ITGA1: variants seen among roughly 807,000 people sequenced by gnomAD.
ITGA1 encodes integrin alpha-1.
A neutral mutation model predicts 145.9 loss-of-function variants in ITGA1; 85 were observed. The observed-to-expected ratio is 0.58, with a 90% CI of 0.49 to 0.70. The LOEUF is 0.70. Among genes scored for constraint, ITGA1 ranks in the 30% least tolerant of loss-of-function variants. The pLI, the probability that ITGA1 is intolerant of heterozygous loss-of-function variation, is 0.00. For synonymous variants in ITGA1, 520 were observed against 495.3 expected, an observed-to-expected ratio of 1.05 and a Z score of -0.66; for missense variants, 1,351 against 1,418.7, an observed-to-expected ratio of 0.95 and a Z score of 0.77.
At position 52,952,474 on chromosome 5, in the gene ITGA1, TAACA is replaced by T; in HGVS notation, c.*25_*28del. The T allele has an allele frequency of 2.7e-6, 3 of 1,105,296 alleles. No homozygotes were observed. Among genetic ancestry groups the T allele is most frequent in the Non-Finnish European group, 3.9e-6 (3 of 763,024 alleles). The allele number at this position is 1,105,296 out of a possible 1,614,324, so 68.5% of individuals were successfully genotyped here. A position where few individuals can be genotyped will look rare whatever the true frequency, so the allele number is the denominator to read the frequency against. On this transcript the variant is annotated 3_prime_UTR_variant, in exon 29 of 29. Transcript: ENST00000282588. ...TGAAATATTTTATGAAAGAAAATAA[TAACA>T]ATTATTCAATAATCTATCCTCAGGT...
At chr5:52,801,914 CAG>C in intron 1 of ITGA1, 1 of 1,171,256 alleles carries the variant, frequency 8.5e-7, no homozygotes, top group Non-Finnish European at 1.2e-6. Flanking sequence ...ATCCTTGTGA[CAG>C]AAAGCTGCAA....
At chr5:52,805,705 T>C (rs1748578282) in intron 1 of ITGA1, among the ~76,000 whole-genome samples, 2 of 152,084 alleles carry the variant, frequency 1.3e-5, no homozygotes, top group Non-Finnish European at 2.9e-5. Flanking sequence ...CTATATCTCA[T>C]TCAGGCCAAT....
chr5:52,894,580 C>A (rs1454788617), intron 9 of ITGA1, among the ~76,000 whole-genome samples: 1 of 152,122 alleles, frequency 6.6e-6, no homozygotes, highest in African/African-American at 2.4e-5. Context: ...TCTTTCTTCA[C>A]ATTCTTTGAT....
chr5:52,934,905 T>TAATTTCCCTGGAAATTAGCATAAATGCC (rs1750943140), intron 23 of ITGA1, among the ~76,000 whole-genome samples: 1 of 151,934 alleles, frequency 6.6e-6, no homozygotes, highest in Admixed American at 6.6e-5. Context: ...CAATTTATGC[T>TAATTTCCCTGGAAATTAGCATAAATGCC]AATTTCCCTG....
At chr5:52,849,785 G>T (rs1014681620) in intron 2 of ITGA1, among the ~76,000 whole-genome samples, 1 of 152,092 alleles carries the variant, frequency 6.6e-6, no homozygotes, top group Non-Finnish European at 1.5e-5. Context: ...TTCTTTAATT[G>T]TTCTCATTTC....
At chr5:52,865,876 A>G in intron 6 of ITGA1, 59 bp downstream of exon 6, 2 of 1,347,548 alleles carry the variant, frequency 1.5e-6, no homozygotes, top group East Asian at 2.7e-5. Flanking sequence ...ACAAATTTTT[A>G]ATAAAACCAA....
Position 52,842,523 on chromosome 5 carries a change from G to A in ITGA1, c.62-6842G>A, listed in dbSNP as rs75103708. ...TACTGATTCTTTGGATTCTACCTACGAAATCAGTTAGCTCATTTTTTGATT... is the reference window on the plus strand; with the variant it reads ...TACTGATTCTTTGGATTCTACCTACAAAATCAGTTAGCTCATTTTTTGATT... On this transcript the variant is annotated intron_variant, in intron 1 of 28. Coordinates refer to ENST00000282588, the MANE Select transcript of ITGA1 (RefSeq NM_181501.2). Among the ~76,000 whole-genome samples the A allele has an allele frequency of 6.1e-3, 929 of 152,206 alleles. 12 individuals are homozygous for A. The highest frequency in any genetic ancestry group is 0.021 in the African/African-American group (891 of 41,530).
chr5:52,866,661 G>T (rs867843625), intron 6 of ITGA1, among the ~76,000 whole-genome samples: 102 of 152,214 alleles, frequency 6.7e-4, no homozygotes, highest in African/African-American at 2.4e-3. Context: ...TCAAATAGTT[G>T]TTTGTTTATC....
intron 8 of ITGA1, chr5:52,889,543 T>C (rs1044958988): frequency 6.6e-6 from 1 of 152,196 alleles, no homozygotes; most frequent in African/African-American, 2.4e-5. Context: ...AGTTTTTTAA[T>C]CTACCATTCT....
intron 2 of ITGA1, among the ~76,000 whole-genome samples, chr5:52,854,918 T>C (rs1018030379): frequency 6.6e-6 from 1 of 152,176 alleles, no homozygotes; most frequent in African/African-American, 2.4e-5. Context: ...ATCCAGAACA[T>C]GTTTTGATCT....
chr5:52,852,264 C>T (rs1011292839), intron 2 of ITGA1, among the ~76,000 whole-genome samples: 1 of 151,930 alleles, frequency 6.6e-6, no homozygotes, highest in Non-Finnish European at 1.5e-5. Context: ...AAGATGAGGA[C>T]GTTGAGAAGC....
Position 52,887,966 on chromosome 5 carries a change from G to A in ITGA1, c.924+1G>A, listed in dbSNP as rs774171798. ...AAACATTCAACGGTTTTCCATAGCTGTAAGTGTGTTGCCGGAGATATTTTC... is the reference window on the plus strand; with the variant it reads ...AAACATTCAACGGTTTTCCATAGCTATAAGTGTGTTGCCGGAGATATTTTC... On this transcript the variant is annotated splice_donor_variant, in intron 8 of 28. Transcript: ENST00000282588. LOFTEE classifies it high-confidence loss of function. 1 of 1,611,318 alleles carries A rather than the reference G, an allele frequency of 6.2e-7. No individual in the cohort carries two copies. Among genetic ancestry groups the A allele is most frequent in the Non-Finnish European group, 8.5e-7 (1 of 1,178,026 alleles).
chr5:52,888,621 G>C (rs1374478827), intron 8 of ITGA1, among the ~76,000 whole-genome samples: 1 of 152,238 alleles, frequency 6.6e-6, no homozygotes, highest in Non-Finnish European at 1.5e-5. Context: ...GACCTAAAAT[G>C]TAGACATTCT....
At chr5:52,806,177 A>G (rs551711535) in intron 1 of ITGA1, among the ~76,000 whole-genome samples, 1 of 151,354 alleles carries the variant, frequency 6.6e-6, no homozygotes, top group South Asian at 2.1e-4. Flanking sequence ...AATGTATTAT[A>G]TGTATCTCTC....
At chr5:52,806,550 G>A (rs2111676712) in intron 1 of ITGA1, among the ~76,000 whole-genome samples, 1 of 152,142 alleles carries the variant, frequency 6.6e-6, no homozygotes, top group East Asian at 1.9e-4. Flanking sequence ...CAGTGGCGAT[G>A]ATAAAGTCTC....
intron 1 of ITGA1, among the ~76,000 whole-genome samples, chr5:52,821,123 A>T (rs1387022908): frequency 6.6e-6 from 1 of 152,204 alleles, no homozygotes; most frequent in Non-Finnish European, 1.5e-5. Context: ...ATGTTGGTTG[A>T]TTAATAGATA....
intron 1 of ITGA1, chr5:52,825,098 C>G (rs1466867964): frequency 6.6e-6 from 1 of 152,120 alleles, no homozygotes; most frequent in Non-Finnish European, 1.5e-5. Context: ...GTATCTGTTA[C>G]TCTTATTCCT....
intron 1 of ITGA1, chr5:52,801,657 A>G: frequency 6.2e-7 from 1 of 1,614,204 alleles, no homozygotes; most frequent in Non-Finnish European, 8.5e-7. Flanking sequence ...ATGTAGCCAC[A>G]CGGAGCCGGT....
chr5:52,799,226 T>C (rs1748404588), intron 1 of ITGA1, among the ~76,000 whole-genome samples: 1 of 152,202 alleles, frequency 6.6e-6, no homozygotes, highest in African/African-American at 2.4e-5. Context: ...ATCCCACTTC[T>C]CCATTTCCAC....
Sources: allele counts gnomAD v4.1 joint callset (sites outside exome capture counted in the v4.1 genomes callset), GRCh38; gene constraint gnomAD v4.1.1; transcripts MANE v1.5; gene names NCBI Gene and HGNC (gene_info 2026-07-23, HGNC 2026-07-21).